The following FLT1 variants were observed in gnomAD, a reference collection of about 807,000 sequenced individuals.
FLT1 encodes the protein vascular endothelial growth factor receptor 1.
A neutral mutation model predicts 156.3 loss-of-function variants in FLT1; 49 were observed. That is an observed-to-expected ratio of 0.31 (90% CI 0.25 to 0.40). FLT1 has a LOEUF of 0.40. FLT1 is among the 10% of genes least tolerant of loss of function. The pLI, the probability that FLT1 is intolerant of heterozygous loss-of-function variation, is 1.00. For synonymous variants in FLT1, 594 were observed against 583.8 expected, an observed-to-expected ratio of 1.02 and a Z score of -0.25; for missense variants, 1,322 against 1,637.2, an observed-to-expected ratio of 0.81 and a Z score of 3.32.
At position 28,327,329 on chromosome 13, in the gene FLT1, G is replaced by C. The variant is rs545875859; in HGVS notation, c.2796+133C>G. 7 of 677,868 alleles carry C rather than the reference G, an allele frequency of 1.0e-5. No homozygotes were observed. The African/African-American group carries it at 1.1e-4, about 10-fold the overall frequency. 42.0% of individuals were successfully genotyped at this position (677,868 alleles called of 1,614,324 possible). The stretch of plus-strand genomic sequence containing the variant: ...ATCAGGGGAAAAAACATGAAAAAAG[G>C]AGAAGAAGCAGAGATTGAGTTTTAA... On this transcript the variant is annotated intron_variant, in intron 20 of 29. Coordinates refer to ENST00000282397, the MANE Select transcript of FLT1 (RefSeq NM_002019.4).
At position 28,322,699 on chromosome 13, in the gene FLT1, TTA is replaced by T. The variant is rs570575375; in HGVS notation, c.2953+89_2953+90del. The stretch of plus-strand genomic sequence containing the variant: ...CATTCGAGTCTCCCACGGATGTTTA[TTA>T]GAGTGATAAATAAGAAAAAAATTTC... On this transcript the variant is annotated intron_variant, in intron 21 of 29. Coordinates refer to ENST00000282397, the MANE Select transcript of FLT1 (RefSeq NM_002019.4). The surrounding 1 kb of genome is among the most constrained non-coding windows in gnomAD (Gnocchi z 4.3). 40 of 1,145,040 alleles carry T rather than the reference TTA, an allele frequency of 3.5e-5. No individual in the cohort carries two copies. In the East Asian group the frequency reaches 8.6e-4, roughly 25 times the overall value. 70.9% of individuals were successfully genotyped at this position (1,145,040 alleles called of 1,614,324 possible). A position where few individuals can be genotyped will look rare whatever the true frequency, so the allele number is the denominator to read the frequency against.
chr13:28,462,077 T>C (rs1441953318), intron 3 of FLT1, among the ~76,000 whole-genome samples: 1 of 152,172 alleles, frequency 6.6e-6, no homozygotes, highest in Non-Finnish European at 1.5e-5. Flanking sequence ...GATATTATAT[T>C]TAAATAGGCC....
chr13:28,390,184 G>T (rs45538036), intron 12 of FLT1, 80 bp from the exon 13 acceptor site: 16,425 of 1,568,016 alleles, frequency 0.01, 152 homozygotes, highest in Non-Finnish European at 0.013. Context: ...CTTAAGAATT[G>T]TTCGTGCACA....
chr13:28,376,997 A>G (rs1382458624), intron 14 of FLT1, among the ~76,000 whole-genome samples: 1 of 152,162 alleles, frequency 6.6e-6, no homozygotes, highest in Admixed American at 6.5e-5. Context: ...ATCAGACCAT[A>G]CTCAAAGCAA....
At position 28,303,361 on chromosome 13, in the gene FLT1, C is replaced by T; in HGVS notation, c.3823G>A (p.Val1275Ile). 1.9e-6 allele frequency: 3 copies of T among 1,613,628 alleles called. No individual in the cohort carries two copies. The highest frequency in any genetic ancestry group is 2.7e-5 in the African/African-American group (2 of 75,020). ...PKASLKIDLR[V>I]TSKSKESGLS... ...CCCGACTCCTTACTTTTACTGGTTA[C>T]TCTCAAGCTAAAGAAAGAAAGGAAA... is the stretch of plus-strand genomic sequence containing the variant. The change falls in exon 30 of 30, where the codon GTA becomes ATA. Residue 1275 changes from valine (V) to isoleucine (I), a missense_variant. By Grantham distance (29) the Val-to-Ile change is conservative (BLOSUM62 3). Coordinates refer to ENST00000282397, the MANE Select transcript of FLT1 (RefSeq NM_002019.4).
chr13:28,445,073 A>G (rs1293688965), intron 3 of FLT1, among the ~76,000 whole-genome samples: 1 of 152,242 alleles, frequency 6.6e-6, no homozygotes, highest in Non-Finnish European at 1.5e-5. Flanking sequence ...AATTAGTTTC[A>G]TTAATTTTCT....
rs77837570 is a variant in FLT1, at chr13:28,455,983, G to A, written c.388+10920C>T. On this transcript the variant is annotated intron_variant, in intron 3 of 29. Coordinates refer to ENST00000282397, the MANE Select transcript of FLT1 (RefSeq NM_002019.4). ...CACTGCCAACAGCAAATGTTGGCAA[G>A]GAGGCAGAGTGATAGGAATTGTCAT... Among the ~76,000 whole-genome samples, 1,222 of 152,336 alleles carry A rather than the reference G, an allele frequency of 8.0e-3. 16 individuals are homozygous for A. Among genetic ancestry groups the A allele is most frequent in the African/African-American group, 0.028 (1,165 of 41,562 alleles).
chr13:28,394,044 T>G (rs1396597624), intron 12 of FLT1, among the ~76,000 whole-genome samples: 1 of 152,164 alleles, frequency 6.6e-6, no homozygotes, highest in Non-Finnish European at 1.5e-5. Context: ...ATATGTTCAT[T>G]TTTTTCAAAA....
rs1317890399 is a variant in FLT1, at chr13:28,302,160, C to T, written c.*1007G>A. On this transcript the variant is annotated 3_prime_UTR_variant, in exon 30 of 30. Transcript: ENST00000282397. ...ACTCCTCTCCTCAGGACTGCATTTT[C>T]ATTCTTCTCAGCTTTCTTTCACAAC... 1 of 233,152 alleles carries T rather than the reference C, an allele frequency of 4.3e-6. No individual in the cohort carries two copies. Among genetic ancestry groups the T allele is most frequent in the South Asian group, 1.8e-4 (1 of 5,538 alleles). The allele number at this position is 233,152 out of a possible 1,614,324, so 14.4% of individuals were successfully genotyped here. A position where few individuals can be genotyped will look rare whatever the true frequency, so the allele number is the denominator to read the frequency against.
At chr13:28,352,377 C>T (rs117424910) in intron 15 of FLT1, among the ~76,000 whole-genome samples, 4,001 of 152,252 alleles carry the variant, frequency 0.026, 132 homozygotes, top group Admixed American at 0.09. Context: ...ATTACATGGT[C>T]CCAGGCCCTC....
intron 1 of FLT1, among the ~76,000 whole-genome samples, chr13:28,490,023 G>A (rs949357768): frequency 1.3e-5 from 2 of 152,174 alleles, no homozygotes; most frequent in Admixed American, 6.5e-5. Flanking sequence ...TCTGTCTTCC[G>A]TCTGGGGAAG....
chr13:28,371,308 A>C (rs1020584501), intron 14 of FLT1, among the ~76,000 whole-genome samples: 1 of 152,216 alleles, frequency 6.6e-6, no homozygotes, highest in Non-Finnish European at 1.5e-5. Context: ...TTAGTTTACC[A>C]ACGTGCAAAA....
rs1870577553 is a variant in FLT1, at chr13:28,303,041, A to G, written c.*126T>C. On this transcript the variant is annotated 3_prime_UTR_variant, in exon 30 of 30. Transcript: ENST00000282397. ...AAAAAAGCACTATTAAAAAAATCAC[A>G]AAAAGCAGCTGGCTCCCATGGAAAG... The G allele has an allele frequency of 1.9e-5, 16 of 822,816 alleles. No individual in the cohort carries two copies. In the South Asian group the frequency reaches 2.7e-4, roughly 14 times the overall value. 51.0% of individuals were successfully genotyped at this position (822,816 alleles called of 1,614,324 possible).
In FLT1 at chr13:28,357,687, T is replaced by C. The variant is rs1872950347; in HGVS notation, c.2117-2A>G. The C allele has an allele frequency of 6.2e-7, 1 of 1,613,440 alleles. No individual in the cohort carries two copies. The highest frequency in any genetic ancestry group is 2.2e-5 in the East Asian group (1 of 44,876). ...TGCTTCCTGGTCCTAAAATAATTCC[T>C]GAGGGGTGAGAGATGTTTAGATTAG... On this transcript the variant is annotated splice_acceptor_variant, in intron 14 of 29. Transcript: ENST00000282397. LOFTEE classifies it high-confidence loss of function.
intron 9 of FLT1, 58 bp from the exon 10 acceptor site, chr13:28,427,376 T>G: frequency 6.6e-7 from 1 of 1,516,248 alleles, no homozygotes; most frequent in South Asian, 1.1e-5. Flanking sequence ...GACTTTCTCC[T>G]GGGCCACACA....
chr13:28,387,807 T>TA (rs1310686123), intron 13 of FLT1: 9 of 696,528 alleles, frequency 1.3e-5, no homozygotes, highest in East Asian at 1.0e-4. Flanking sequence ...AAAAGTTTCT[T>TA]TAAAAAAAAA....
rs540383585 is a variant in FLT1 at position 28,425,900 on chromosome 13, T to G, written c.1436+1259A>C. Among the ~76,000 whole-genome samples the G allele has an allele frequency of 9.2e-5, 14 of 152,252 alleles. No individual in the cohort carries two copies. The East Asian group carries it at 2.7e-3, about 29-fold the overall frequency. ...CAGTGGTAAAGAAGATATTTAAGAT[T>G]TGTAAGTCTTCTCTATTTCTATTCT... On this transcript the variant is annotated intron_variant, in intron 10 of 29. Coordinates refer to ENST00000282397, the MANE Select transcript of FLT1 (RefSeq NM_002019.4).
chr13:28,335,359 C>T (rs889558529), intron 17 of FLT1, among the ~76,000 whole-genome samples: 3 of 152,134 alleles, frequency 2.0e-5, no homozygotes, highest in African/African-American at 4.8e-5. Context: ...TTCTTAGACC[C>T]GTCTGATAAT....
chr13:28,430,003 C>T lies in FLT1; in HGVS notation c.1106+47G>A, dbSNP rs769289668. On this transcript the variant is annotated intron_variant, in intron 8 of 29. Coordinates refer to ENST00000282397, the MANE Select transcript of FLT1 (RefSeq NM_002019.4). ...GTCATTAGGCTCTTGCAGCTTCCCA[C>T]TTACAAAGTATGTCTTAAACTGTTA... 7.7e-5 allele frequency: 99 copies of T among 1,280,826 alleles called. No individual in the cohort carries two copies. The East Asian group carries it at 2.2e-3, about 29-fold the overall frequency. The allele number at this position is 1,280,826 out of a possible 1,614,324, so 79.3% of individuals were successfully genotyped here.
Sources: gnomAD v4.1 joint callset for allele counts (sites outside exome capture counted in the v4.1 genomes callset) on GRCh38, gnomAD v4.1.1 for gene constraint, Gnocchi (gnomAD v3.1) non-coding constraint, MANE v1.5 for transcripts, NCBI Gene and HGNC (gene_info 2026-07-23, HGNC 2026-07-21) for gene names.